The following TNNC1 variants were observed in gnomAD, a reference collection of about 807,000 sequenced individuals.
TNNC1 encodes troponin C1, slow skeletal and cardiac type, also known as troponin C, slow skeletal and cardiac muscles.
In TNNC1, 10 loss-of-function variants were observed where a neutral mutation model predicts 19.6. The ratio of observed to expected loss-of-function variants is 0.51; its 90% confidence interval spans 0.31 to 0.87. TNNC1 has a LOEUF of 0.87. Ranked by LOEUF, TNNC1 falls within the 40% of genes least tolerant of loss-of-function variation. The pLI, the probability that TNNC1 is intolerant of heterozygous loss-of-function variation, is 0.04. For missense variants in TNNC1, 115 were observed against 219.8 expected (o/e 0.52, Z 3.02); for synonymous variants, 85 against 80.1 (o/e 1.06, Z -0.33).
In TNNC1 at chr3:52,451,955, C is replaced by A; in HGVS notation, c.203-97G>T. 6.5e-7 allele frequency: 1 copy of A among 1,538,350 alleles called. No individual in the cohort carries two copies. The highest frequency in any genetic ancestry group is 9.0e-7 in the Non-Finnish European group (1 of 1,114,262). ...CCATGTTCTCACCGCATCCTCACAC[C>A]AAACGCCAGGCTTGTGTAGCCCTTA... On this transcript the variant is annotated intron_variant, in intron 3 of 5. Transcript: ENST00000232975. This position sits in a 1 kb window ranked among gnomAD's most constrained non-coding sequence, Gnocchi z 4.8.
In TNNC1 at chr3:52,451,137, A is replaced by T; in HGVS notation, c.*138T>A. On this transcript the variant is annotated 3_prime_UTR_variant, in exon 6 of 6. Coordinates refer to ENST00000232975, the MANE Select transcript of TNNC1 (RefSeq NM_003280.3). This position sits in a 1 kb window ranked among gnomAD's most constrained non-coding sequence, Gnocchi z 4.8. ...GCTTTATTTGCATCCCCCAGGACAG[A>T]TCTGGGGAGGGAGTCGGGGGATTTG... The T allele has an allele frequency of 1.0e-6, 1 of 992,766 alleles. No individual in the cohort carries two copies. The highest frequency in any genetic ancestry group is 1.6e-6 in the Non-Finnish European group (1 of 635,450). The allele number at this position is 992,766 out of a possible 1,614,324, so 61.5% of individuals were successfully genotyped here.
chr3:52,452,380 G>A lies in TNNC1; in HGVS notation c.55+103C>T. 1 of 1,587,838 alleles carries A rather than the reference G, an allele frequency of 6.3e-7. No individual in the cohort carries two copies. The highest frequency in any genetic ancestry group is 8.6e-7 in the Non-Finnish European group (1 of 1,165,782). ...AGACCTCTCTGAGGGCAGAGCAAGAGGGACCAAGCCTCTGGTCTCTGGCCT... is the reference window on the plus strand; with the variant it reads ...AGACCTCTCTGAGGGCAGAGCAAGAAGGACCAAGCCTCTGGTCTCTGGCCT... On this transcript the variant is annotated intron_variant, in intron 2 of 5. Coordinates refer to ENST00000232975, the MANE Select transcript of TNNC1 (RefSeq NM_003280.3). The surrounding 1 kb of genome is among the most constrained non-coding windows in gnomAD (Gnocchi z 5.2).
intron 1 of TNNC1, among the ~76,000 whole-genome samples, chr3:52,453,097 T>C (rs1001747953): frequency 6.6e-6 from 1 of 152,218 alleles, no homozygotes; most frequent in Non-Finnish European, 1.5e-5. Context: ...CCCGGCTCCA[T>C]GGACTCCCAC....
chr3:52,451,688 T>C lies in TNNC1; in HGVS notation c.317+56A>G. On this transcript the variant is annotated intron_variant, in intron 4 of 5. Coordinates refer to ENST00000232975, the MANE Select transcript of TNNC1 (RefSeq NM_003280.3). This position sits in a 1 kb window ranked among gnomAD's most constrained non-coding sequence, Gnocchi z 4.8. ...GGCCTGGAATCTGAGACTGCCCTCC[T>C]GTACAGCTCGGCTTGAGTGTGGGTC... The C allele has an allele frequency of 3.1e-6, 5 of 1,591,250 alleles. No individual in the cohort carries two copies. In the Admixed American group the frequency reaches 6.7e-5, roughly 21 times the overall value.
Position 52,452,633 on chromosome 3 carries a change from A to G in TNNC1, c.25-120T>C, listed in dbSNP as rs970825444. On this transcript the variant is annotated intron_variant, in intron 1 of 5. Coordinates refer to ENST00000232975, the MANE Select transcript of TNNC1 (RefSeq NM_003280.3). This position sits in a 1 kb window ranked among gnomAD's most constrained non-coding sequence, Gnocchi z 5.2. ...GAGGCAGGCTATTTCCAGGCCACAGAGTGGAGGTCTCAGTCCTCCCTCCCT... is the reference window on the plus strand; with the variant it reads ...GAGGCAGGCTATTTCCAGGCCACAGGGTGGAGGTCTCAGTCCTCCCTCCCT... The G allele has an allele frequency of 3.6e-6, 4 of 1,104,126 alleles. No individual in the cohort carries two copies. Among genetic ancestry groups the G allele is most frequent in the Non-Finnish European group, 5.4e-6 (4 of 740,262 alleles). 68.4% of individuals were successfully genotyped at this position (1,104,126 alleles called of 1,614,324 possible). A position where few individuals can be genotyped will look rare whatever the true frequency, so the allele number is the denominator to read the frequency against.
Position 52,452,740 on chromosome 3 carries a change from G to A in TNNC1, c.25-227C>T, listed in dbSNP as rs1706347923. On this transcript the variant is annotated intron_variant, in intron 1 of 5. Transcript: ENST00000232975. This position sits in a 1 kb window ranked among gnomAD's most constrained non-coding sequence, Gnocchi z 5.2. The stretch of plus-strand genomic sequence containing the variant: ...GGGTGACAGGTGGGCACCCCCTTCA[G>A]GACCAAGGTGACCCTCAGTAACAAT... 1.6e-6 allele frequency: 1 copy of A among 611,522 alleles called. No homozygotes were observed. 37.9% of individuals were successfully genotyped at this position (611,522 alleles called of 1,614,324 possible). A position where few individuals can be genotyped will look rare whatever the true frequency, so the allele number is the denominator to read the frequency against.
In TNNC1 at chr3:52,452,774, A is replaced by G. The variant is rs1198041069; in HGVS notation, c.25-261T>C. On this transcript the variant is annotated intron_variant, in intron 1 of 5. Coordinates refer to ENST00000232975, the MANE Select transcript of TNNC1 (RefSeq NM_003280.3). This position sits in a 1 kb window ranked among gnomAD's most constrained non-coding sequence, Gnocchi z 5.2. The stretch of plus-strand genomic sequence containing the variant: ...TGACCCTCAGTAACAATAGTCAGTG[A>G]CCACTCAATGCCCTTTCGGCCCCTG... 5 of 577,290 alleles carry G rather than the reference A, an allele frequency of 8.7e-6. No individual in the cohort carries two copies. Among genetic ancestry groups the G allele is most frequent in the Non-Finnish European group, 1.6e-5 (5 of 322,322 alleles). 35.8% of individuals were successfully genotyped at this position (577,290 alleles called of 1,614,324 possible).
rs1578263825 is a variant in TNNC1, at chr3:52,451,476, A to G, written c.369T>C (p.Ala123=). The change falls in exon 5 of 6, where the codon GCT becomes GCC. Residue 123 remains alanine (A), a synonymous_variant. Transcript: ENST00000232975. The surrounding 1 kb of genome is among the most constrained non-coding windows in gnomAD (Gnocchi z 4.8). ...DLDELKIMLQ[A]TGETITEDDI... ...CGTCCTCCGTGATGGTCTCGCCTGT[A>G]GCCTGCAGCATTATCTTCAGCTCAT... is the stretch of plus-strand genomic sequence containing the variant. 3.1e-6 allele frequency: 5 copies of G among 1,614,090 alleles called. No individual in the cohort carries two copies. Among genetic ancestry groups the G allele is most frequent in the Non-Finnish European group, 4.2e-6 (5 of 1,179,998 alleles).
Position 52,451,139 on chromosome 3 carries a change from C to A in TNNC1, c.*136G>T. ...TTTATTTGCATCCCCCAGGACAGATCTGGGGAGGGAGTCGGGGGATTTGGG... is the reference window on the plus strand; with the variant it reads ...TTTATTTGCATCCCCCAGGACAGATATGGGGAGGGAGTCGGGGGATTTGGG... On this transcript the variant is annotated 3_prime_UTR_variant, in exon 6 of 6. Transcript: ENST00000232975. The surrounding 1 kb of genome is among the most constrained non-coding windows in gnomAD (Gnocchi z 4.8). 1 of 1,013,746 alleles carries A rather than the reference C, an allele frequency of 9.9e-7. No homozygotes were observed. Among genetic ancestry groups the A allele is most frequent in the East Asian group, 2.6e-5 (1 of 39,194 alleles). The allele number at this position is 1,013,746 out of a possible 1,614,324, so 62.8% of individuals were successfully genotyped here. A position where few individuals can be genotyped will look rare whatever the true frequency, so the allele number is the denominator to read the frequency against.
rs1706338081 is a variant in TNNC1, at chr3:52,452,099, G to A, written c.202+7C>T. Reference sequence around the variant, plus strand: ...TTCTTCTGGAGCCTGGGGAGGAGGGGGCTCACCGTCCTCGTCCACCTCATC... The same window carrying A: ...TTCTTCTGGAGCCTGGGGAGGAGGGAGCTCACCGTCCTCGTCCACCTCATC... On this transcript the variant is annotated splice_region_variant and intron_variant, in intron 3 of 5. Transcript: ENST00000232975. The surrounding 1 kb of genome is among the most constrained non-coding windows in gnomAD (Gnocchi z 5.2). 2 of 1,613,794 alleles carry A rather than the reference G, an allele frequency of 1.2e-6. No individual in the cohort carries two copies. The highest frequency in any genetic ancestry group is 1.1e-5 in the South Asian group (1 of 91,078).
rs1483725885 is a variant in TNNC1, at chr3:52,452,270, G to A, written c.56-18C>T. ...CTTGAACTCTGTGTTCAGGGGTTGG[G>A]GGGCACAGTAGTCAGGGCTCAGCAG... On this transcript the variant is annotated intron_variant, in intron 2 of 5. Coordinates refer to ENST00000232975, the MANE Select transcript of TNNC1 (RefSeq NM_003280.3). The surrounding 1 kb of genome is among the most constrained non-coding windows in gnomAD (Gnocchi z 5.2). 2 of 1,607,344 alleles carry A rather than the reference G, an allele frequency of 1.2e-6. No individual in the cohort carries two copies. Among genetic ancestry groups the A allele is most frequent in the Non-Finnish European group, 8.5e-7 (1 of 1,179,986 alleles).
In TNNC1 at chr3:52,451,921, C is replaced by A; in HGVS notation, c.203-63G>T. 1 of 1,548,724 alleles carries A rather than the reference C, an allele frequency of 6.5e-7. No homozygotes were observed. Among genetic ancestry groups the A allele is most frequent in the South Asian group, 1.1e-5 (1 of 89,808 alleles). On this transcript the variant is annotated intron_variant, in intron 3 of 5. Transcript: ENST00000232975. This position sits in a 1 kb window ranked among gnomAD's most constrained non-coding sequence, Gnocchi z 4.8. Reference sequence around the variant, plus strand: ...TAGGTACTGCAGGCAGCACCTTCGACACGAACCCCCATGTTCTCACCGCAT... The same window carrying A: ...TAGGTACTGCAGGCAGCACCTTCGAAACGAACCCCCATGTTCTCACCGCAT...
chr3:52,454,008 T>C lies in TNNC1; in HGVS notation c.8A>G (p.Asp3Gly). The C allele has an allele frequency of 6.3e-7, 1 of 1,585,608 alleles. No individual in the cohort carries two copies. Among genetic ancestry groups the C allele is most frequent in the Non-Finnish European group, 8.6e-7 (1 of 1,164,438 alleles). MD[D>G]IYKAAVEQLT... ...GTCCCTCACCGCAGCCTTGTAGATG[T>C]CATCCATGCTGGCGGCTCACAGGAC... The change falls in exon 1 of 6, where the codon GAC (aspartate) becomes GGC (glycine). Residue 3 changes from aspartate (D) to glycine (G), a missense_variant. Asp to Gly is a moderately conservative substitution (Grantham distance 94). Around this residue, in one of 2 missense-constraint regions of TNNC1, gnomAD observed 19 missense variants for 105.6 expected, o/e 0.18. Coordinates refer to ENST00000232975, the MANE Select transcript of TNNC1 (RefSeq NM_003280.3).
At chr3:52,453,872 G>T in intron 1 of TNNC1, 120 bp downstream of exon 1, 2 of 1,223,046 alleles carry the variant, frequency 1.6e-6, no homozygotes, top group Non-Finnish European at 2.3e-6. Flanking sequence ...CTGGGTTGAA[G>T]GCACGTAGGC....
chr3:52,452,666 A>C lies in TNNC1; in HGVS notation c.25-153T>G, dbSNP rs570104362. 8 of 853,480 alleles carry C rather than the reference A, an allele frequency of 9.4e-6. No individual in the cohort carries two copies. In the African/African-American group the frequency reaches 1.2e-4, roughly 12 times the overall value. 52.9% of individuals were successfully genotyped at this position (853,480 alleles called of 1,614,324 possible). ...TCTCAGTCCTCCCTCCCTGCCCCCAAAGCCCTGACGTGACCCAGCTGGCCT... is the reference window on the plus strand; with the variant it reads ...TCTCAGTCCTCCCTCCCTGCCCCCACAGCCCTGACGTGACCCAGCTGGCCT... On this transcript the variant is annotated intron_variant, in intron 1 of 5. Transcript: ENST00000232975. This position sits in a 1 kb window ranked among gnomAD's most constrained non-coding sequence, Gnocchi z 5.2.
chr3:52,454,012 C>T lies in TNNC1; in HGVS notation c.4G>A (p.Asp2Asn), dbSNP rs886058707. The change falls in exon 1 of 6, where the codon GAT (aspartate) becomes AAT (asparagine). Residue 2 changes from aspartate to asparagine, a missense_variant. By Grantham distance (23) the Asp-to-Asn change is conservative. Around this residue, in one of 2 missense-constraint regions of TNNC1, gnomAD observed 19 missense variants for 105.6 expected, o/e 0.18. Transcript: ENST00000232975. MDDIYKAAVEQL... is the reference protein window; with the variant it reads MNDIYKAAVEQL... ...CTCACCGCAGCCTTGTAGATGTCATCCATGCTGGCGGCTCACAGGACAGCT... is the reference window on the plus strand; with the variant it reads ...CTCACCGCAGCCTTGTAGATGTCATTCATGCTGGCGGCTCACAGGACAGCT... The T allele has an allele frequency of 6.3e-7, 1 of 1,583,064 alleles. No individual in the cohort carries two copies. Among genetic ancestry groups the T allele is most frequent in the Non-Finnish European group, 8.6e-7 (1 of 1,162,992 alleles).
At position 52,451,182 on chromosome 3, in the gene TNNC1, G is replaced by T; in HGVS notation, c.*93C>A. 6.8e-7 allele frequency: 1 copy of T among 1,469,294 alleles called. No individual in the cohort carries two copies. Among genetic ancestry groups the T allele is most frequent in the Non-Finnish European group, 9.5e-7 (1 of 1,052,236 alleles). 91.0% of individuals were successfully genotyped at this position (1,469,294 alleles called of 1,614,324 possible). On this transcript the variant is annotated 3_prime_UTR_variant, in exon 6 of 6. Coordinates refer to ENST00000232975, the MANE Select transcript of TNNC1 (RefSeq NM_003280.3). The surrounding 1 kb of genome is among the most constrained non-coding windows in gnomAD (Gnocchi z 4.8). The stretch of plus-strand genomic sequence containing the variant: ...GATTTGGGGTTGAGGACATGGCCAG[G>T]CTCAGGTCCTGGGACCCCGACCCCC...
At chr3:52,453,935 C>G in intron 1 of TNNC1, 57 bp downstream of exon 1, 1 of 1,558,028 alleles carries the variant, frequency 6.4e-7, no homozygotes, top group Non-Finnish European at 8.7e-7. Context: ...GCACTCTCAG[C>G]TGAGTGAGCC....
chr3:52,453,853 T>C, intron 1 of TNNC1, 139 bp downstream of exon 1: 3 of 989,444 alleles, frequency 3.0e-6, no homozygotes, highest in Non-Finnish European at 4.6e-6. Context: ...TCACTGTCCC[T>C]GTGAGGGCCT....
Sources: allele counts gnomAD v4.1 joint callset (sites outside exome capture counted in the v4.1 genomes callset), GRCh38; gene constraint gnomAD v4.1.1; regional missense constraint gnomAD v4.1.1; non-coding constraint Gnocchi (gnomAD v3.1); transcripts MANE v1.5; gene names NCBI Gene and HGNC (gene_info 2026-07-23, HGNC 2026-07-21).